The following EVL variants were observed in gnomAD, a reference collection of about 807,000 sequenced individuals.
EVL encodes ena/VASP-like protein.
A neutral mutation model predicts 59.6 loss-of-function variants in EVL; 21 were observed. That is an observed-to-expected ratio of 0.35 (90% CI 0.25 to 0.51). The LOEUF (loss-of-function observed/expected upper bound fraction) is 0.51. Ranked by LOEUF, EVL falls within the 20% of genes least tolerant of loss-of-function variation. EVL has a pLI of 0.97. For missense variants in EVL, 462 were observed against 546.6 expected (o/e 0.85, Z 1.54); for synonymous variants, 198 against 203.5 (o/e 0.97, Z 0.23).
At chr14:100,027,776 GCAGTTCTCGTGCCT>G (rs1442086419) in intron 1 of EVL, among the ~76,000 whole-genome samples, 1 of 152,148 alleles carries the variant, frequency 6.6e-6, no homozygotes. Context: ...CCAGGTTCAT[GCAGTTCTCGTGCCT>G]CAGCCTCCCA....
At chr14:100,001,124 A>G (rs1014680319) in intron 1 of EVL, among the ~76,000 whole-genome samples, 2 of 152,198 alleles carry the variant, frequency 1.3e-5, no homozygotes, top group Admixed American at 6.5e-5. Flanking sequence ...TCTGAAGTCC[A>G]TGTATCAGTA....
At chr14:100,026,655 A>G (rs979908581) in intron 1 of EVL, among the ~76,000 whole-genome samples, 3 of 152,118 alleles carry the variant, frequency 2.0e-5, no homozygotes, top group African/African-American at 7.2e-5. Flanking sequence ...AGTGCTTACT[A>G]CTGTGTAGTT....
At chr14:100,023,787 C>T (rs1366545745) in intron 1 of EVL, among the ~76,000 whole-genome samples, 1 of 152,128 alleles carries the variant, frequency 6.6e-6, no homozygotes, top group East Asian at 1.9e-4. Context: ...TAAAAACTTT[C>T]TTAGACATCC....
chr14:99,982,207 A>G (rs2060811530), intron 1 of EVL, among the ~76,000 whole-genome samples: 1 of 152,204 alleles, frequency 6.6e-6, no homozygotes, highest in South Asian at 2.1e-4. Flanking sequence ...CAAAATTGAA[A>G]GTGTACTGTA....
intron 1 of EVL, among the ~76,000 whole-genome samples, chr14:100,057,176 G>A (rs998117524): frequency 2.0e-5 from 3 of 152,208 alleles, no homozygotes; most frequent in African/African-American, 2.4e-5. Flanking sequence ...CAGGGCATGT[G>A]CTAGAAACTA....
chr14:100,073,951 G>GC (rs1362264965), intron 1 of EVL, among the ~76,000 whole-genome samples: 1 of 150,152 alleles, frequency 6.7e-6, no homozygotes, highest in Non-Finnish European at 1.5e-5. Context: ...AGCGGCAGGG[G>GC]CCCGAGGGTG....
intron 11 of EVL, chr14:100,140,944 C>T: frequency 2.1e-6 from 1 of 483,238 alleles, no homozygotes; most frequent in Non-Finnish European, 3.7e-6. Context: ...TTGTTGACCC[C>T]AGCCAGCCTT....
At chr14:100,018,649 C>T (rs763806185) in intron 1 of EVL, among the ~76,000 whole-genome samples, 78 of 152,282 alleles carry the variant, frequency 5.1e-4, no homozygotes, top group Admixed American at 1.4e-3. Context: ...AGCTTCAGGC[C>T]ACCTTTTCCA....
intron 1 of EVL, among the ~76,000 whole-genome samples, chr14:100,020,901 G>A (rs1467448351): frequency 6.6e-6 from 1 of 152,170 alleles, no homozygotes; most frequent in Non-Finnish European, 1.5e-5. Flanking sequence ...CTTTTTATGT[G>A]GCAGTGTGCT....
intron 11 of EVL, chr14:100,138,841 C>G (rs754616118): frequency 2.5e-4 from 38 of 152,476 alleles, no homozygotes; most frequent in Non-Finnish European, 1.9e-4. Flanking sequence ...TTGACCCGGA[C>G]GAGGAGGAGT....
chr14:100,005,123 C>T (rs548576780), intron 1 of EVL, among the ~76,000 whole-genome samples: 4 of 152,198 alleles, frequency 2.6e-5, no homozygotes, highest in South Asian at 2.1e-4. Context: ...ATGATCTGAC[C>T]GCCTCCATCT....
At chr14:100,063,553 A>G (rs2061874121), upstream of EVL, among the ~76,000 whole-genome samples, 1 of 152,260 alleles carries the variant, frequency 6.6e-6, no homozygotes, top group Admixed American at 6.5e-5. Context: ...GAGCTTCAAG[A>G]AATAGTGACA....
chr14:99,981,922 G>C (rs2140171042), intron 1 of EVL, among the ~76,000 whole-genome samples: 1 of 152,352 alleles, frequency 6.6e-6, no homozygotes, highest in South Asian at 2.1e-4. Flanking sequence ...GGATAAGCTT[G>C]ATGAAGGGAC....
intron 1 of EVL, among the ~76,000 whole-genome samples, chr14:100,080,118 A>G (rs61984509): frequency 0.031 from 4,615 of 150,762 alleles, 112 homozygotes; most frequent in Non-Finnish European, 0.047. Flanking sequence ...AAAATGGTCT[A>G]TGATATACAG....
chr14:100,010,048 G>T (rs1294041765), intron 1 of EVL, among the ~76,000 whole-genome samples: 1 of 152,122 alleles, frequency 6.6e-6, no homozygotes, highest in Admixed American at 6.5e-5. Context: ...AGACTTAAAA[G>T]GGTGCCTGGC....
In EVL at chr14:100,109,644, G is replaced by A; in HGVS notation, c.358+11986G>A. 1 of 528,820 alleles carries A rather than the reference G, an allele frequency of 1.9e-6. No homozygotes were observed. Among genetic ancestry groups the A allele is most frequent in the South Asian group, 1.4e-5 (1 of 70,006 alleles). 32.8% of individuals were successfully genotyped at this position (528,820 alleles called of 1,614,324 possible). A position where few individuals can be genotyped will look rare whatever the true frequency, so the allele number is the denominator to read the frequency against. On this transcript the variant is annotated intron_variant, in intron 3 of 13. Transcript: ENST00000392920. This position sits in a 1 kb window ranked among gnomAD's most constrained non-coding sequence, Gnocchi z 4.3. ...AGTTCCTGAACCAAGACCGCTTGCT[G>A]GCCAACCTGTGAAACTGGGCTCAAG...
intron 1 of EVL, among the ~76,000 whole-genome samples, chr14:100,026,899 AATCTACAACCATGTGG>A (rs1278332754): frequency 6.6e-6 from 1 of 152,134 alleles, no homozygotes; most frequent in Admixed American, 6.5e-5. Flanking sequence ...GGCCTGTTGG[AATCTACAACCATGTGG>A]ATCTTTGATA....
At chr14:99,995,724 C>T (rs2140181362) in intron 1 of EVL, among the ~76,000 whole-genome samples, 1 of 152,290 alleles carries the variant, frequency 6.6e-6, no homozygotes, top group Middle Eastern at 3.4e-3. Flanking sequence ...TCCTTACAAT[C>T]TGGCTTTGTA....
intron 1 of EVL, among the ~76,000 whole-genome samples, chr14:99,992,885 G>GTGTTT (rs754606835): frequency 5.9e-5 from 9 of 151,912 alleles, no homozygotes; most frequent in East Asian, 3.9e-4. Context: ...AGTTTTTTGA[G>GTGTTT]TGTTTTGTTT....
Sources: allele counts gnomAD v4.1 joint callset (sites outside exome capture counted in the v4.1 genomes callset), GRCh38; gene constraint gnomAD v4.1.1; non-coding constraint Gnocchi (gnomAD v3.1); transcripts MANE v1.5; gene names NCBI Gene and HGNC (gene_info 2026-07-23, HGNC 2026-07-21).